Variants in OSMR observed in about 807,000 individuals in gnomAD.
OSMR encodes oncostatin-M-specific receptor subunit beta.
A neutral mutation model predicts 99.9 loss-of-function variants in OSMR; 81 were observed. The ratio of observed to expected loss-of-function variants is 0.81; its 90% CI spans 0.68 to 0.97. OSMR has a LOEUF of 0.97. OSMR is among the 50% of genes least tolerant of loss of function. The pLI, the probability that OSMR is intolerant of heterozygous loss-of-function variation, is 0.00. For missense variants in OSMR, 1,099 were observed against 1,153.4 expected (o/e 0.95, Z 0.68); for synonymous variants, 406 against 410.4 (o/e 0.99, Z 0.13).
chr5:38,929,205 A>C (rs551476494), intron 15 of OSMR, among the ~76,000 whole-genome samples: 33 of 152,338 alleles, frequency 2.2e-4, no homozygotes, highest in African/African-American at 7.7e-4. Context: ...AAAAACAAAC[A>C]AGCAAAAAAC....
At chr5:38,861,348 A>G (rs1741286743) in intron 1 of OSMR, among the ~76,000 whole-genome samples, 1 of 152,054 alleles carries the variant, frequency 6.6e-6, no homozygotes, top group African/African-American at 2.4e-5. Context: ...GCCTTCAAGC[A>G]TCTGTTTAAC....
intron 6 of OSMR, 152 bp downstream of exon 6, chr5:38,885,636 G>A (rs1436067163): frequency 4.6e-6 from 5 of 1,082,326 alleles, no homozygotes; most frequent in Non-Finnish European, 6.9e-6. Context: ...TTTAAGTGGT[G>A]ACAAGTGTCT....
intron 4 of OSMR, among the ~76,000 whole-genome samples, chr5:38,882,490 G>T (rs898515542): frequency 2.0e-5 from 3 of 152,066 alleles, no homozygotes; most frequent in African/African-American, 2.4e-5. Context: ...CAGGAGAATC[G>T]CTTGAACCCA....
At chr5:38,848,710 A>C (rs1467122738) in intron 1 of OSMR, among the ~76,000 whole-genome samples, 1 of 152,114 alleles carries the variant, frequency 6.6e-6, no homozygotes, top group Non-Finnish European at 1.5e-5. Flanking sequence ...TTGCTTTTTC[A>C]CTTTCCAAGT....
intron 9 of OSMR, among the ~76,000 whole-genome samples, chr5:38,914,907 A>T (rs1459226218): frequency 6.6e-6 from 1 of 152,174 alleles, no homozygotes; most frequent in Non-Finnish European, 1.5e-5. Context: ...GGGTGATGGG[A>T]TCATTCATAT....
At chr5:38,848,904 G>C (rs1361909786) in intron 1 of OSMR, among the ~76,000 whole-genome samples, 1 of 151,776 alleles carries the variant, frequency 6.6e-6, no homozygotes, top group African/African-American at 2.4e-5. Context: ...CTCCTGAGAA[G>C]CTGGAACTAC....
chr5:38,922,810 G>T (rs971420424), intron 12 of OSMR, among the ~76,000 whole-genome samples: 3 of 152,112 alleles, frequency 2.0e-5, no homozygotes, highest in African/African-American at 7.2e-5. Context: ...GACTGTTGCT[G>T]TGTTACCCAG....
chr5:38,892,601 T>C (rs1472291168), intron 7 of OSMR, among the ~76,000 whole-genome samples: 1 of 152,026 alleles, frequency 6.6e-6, no homozygotes, highest in Admixed American at 6.6e-5. Flanking sequence ...TGTCCCCCCA[T>C]ACAAGAAGTA....
At chr5:38,846,708 A>C (rs887923874) in intron 1 of OSMR, among the ~76,000 whole-genome samples, 6 of 152,110 alleles carry the variant, frequency 3.9e-5, no homozygotes, top group Non-Finnish European at 8.8e-5. Context: ...GGAGAGAGGA[A>C]TCCCCGGGCG....
rs1415855480 is a variant in OSMR at position 38,933,163 on chromosome 5, A to G, written c.2659A>G (p.Met887Val). 6.2e-7 allele frequency: 1 copy of G among 1,614,178 alleles called. No homozygotes were observed. Residue 887 changes from methionine (M) to valine (V), a missense_variant, in exon 18 of 18, where the codon ATG becomes GTG. Met to Val is a conservative substitution (Grantham distance 21). Coordinates refer to ENST00000274276, the MANE Select transcript of OSMR (RefSeq NM_003999.3). Reference protein sequence around the residue: ...SPKAPSMLGLMTSPENVLKAL... With the variant: ...SPKAPSMLGLVTSPENVLKAL... The stretch of plus-strand genomic sequence containing the variant: ...AAAAGCCCCAAGTATGCTGGGACTA[A>G]TGACCTCACCTGAAAATGTACTAAA...
intron 1 of OSMR, among the ~76,000 whole-genome samples, chr5:38,864,793 A>C (rs1741814105): frequency 6.6e-6 from 1 of 152,052 alleles, no homozygotes; most frequent in Non-Finnish European, 1.5e-5. Context: ...AGAATTGGGA[A>C]GTTTTCAGCT....
At chr5:38,939,468 A>G (rs1463785316), downstream of OSMR, 2 of 232,112 alleles carry the variant, frequency 8.6e-6, no homozygotes, top group African/African-American at 4.4e-5. Context: ...CCCCCTTCCA[A>G]TCTACCTAAG....
Position 38,904,405 on chromosome 5 carries a change from C to G in OSMR, c.1187C>G (p.Pro396Arg). Residue 396 changes from proline (P) to arginine (R), a missense_variant, in exon 9 of 18, where the codon CCT becomes CGT. Pro to Arg is a moderately radical substitution (Grantham distance 103). Transcript: ENST00000274276. ...GAGTACTTCTTAAGTGAACTGGAAC[C>G]TGCCACAGAGTACATGGCGCGAGTA... ...NGEYFLSELE[P>R]ATEYMARVRC... 6.2e-7 allele frequency: 1 copy of G among 1,614,132 alleles called. No homozygotes were observed.
intron 1 of OSMR, chr5:38,942,118 G>C: frequency 4.8e-6 from 2 of 413,914 alleles, no homozygotes; most frequent in Non-Finnish European, 8.8e-6. Flanking sequence ...CAACAAAGGA[G>C]AGAAGGAAGT....
At chr5:38,909,166 C>G (rs940299743) in intron 9 of OSMR, among the ~76,000 whole-genome samples, 1 of 152,014 alleles carries the variant, frequency 6.6e-6, no homozygotes, top group Non-Finnish European at 1.5e-5. Flanking sequence ...AAGACCAGTT[C>G]TTCAATATAA....
At chr5:38,944,892 G>A (rs1320264966) in intron 2 of OSMR, 1 of 1,607,530 alleles carries the variant, frequency 6.2e-7, no homozygotes, top group Admixed American at 1.7e-5. Flanking sequence ...ATAATGATTG[G>A]ATTTGAATCT....
chr5:38,923,363 A>T (rs1419474639), intron 13 of OSMR, 109 bp downstream of exon 13: 3 of 714,732 alleles, frequency 4.2e-6, no homozygotes, highest in Non-Finnish European at 7.5e-6. Context: ...AACTTTTGGT[A>T]TCCCATTTAT....
chr5:38,896,237 G>T (rs1744511743), intron 7 of OSMR, among the ~76,000 whole-genome samples: 2 of 152,096 alleles, frequency 1.3e-5, no homozygotes, highest in South Asian at 4.1e-4. Flanking sequence ...ATTGCTTTGA[G>T]TAGAATGGAC....
Position 38,854,034 on chromosome 5 carries a change from A to G in OSMR, c.-14+7647A>G, listed in dbSNP as rs1179460183. ...AGGGGCTCTCAAATATATAACTGGC[A>G]GTACTCTTAAAAAAAAAAAAAAGAT... On this transcript the variant is annotated intron_variant, in intron 1 of 17. Transcript: ENST00000274276. Among the ~76,000 whole-genome samples the G allele has an allele frequency of 5.3e-5, 8 of 151,886 alleles. No homozygotes were observed. The East Asian group carries it at 1.5e-3, about 29-fold the overall frequency.
Sources: allele counts gnomAD v4.1 joint callset (sites outside exome capture counted in the v4.1 genomes callset), GRCh38; gene constraint gnomAD v4.1.1; transcripts MANE v1.5; gene names NCBI Gene and HGNC (gene_info 2026-07-23, HGNC 2026-07-21).